CMTR1: variants seen among roughly 807,000 people sequenced by gnomAD.
CMTR1 encodes the protein cap-specific mRNA (nucleoside-2'-O-)-methyltransferase 1.
Under a neutral mutation model 107.0 loss-of-function variants are expected in CMTR1, and 39 were observed. The ratio of observed to expected loss-of-function variants is 0.36; its 90% confidence interval spans 0.28 to 0.48. The LOEUF (loss-of-function observed/expected upper bound fraction) is 0.48. CMTR1 is among the 20% of genes least tolerant of loss of function. The pLI is 0.99. For missense variants in CMTR1, 672 were observed against 1,064.9 expected (o/e 0.63, Z 5.14); for synonymous variants, 366 against 379.5 (o/e 0.96, Z 0.41).
At chr6:37,450,196 G>A in intron 4 of CMTR1, 55 bp from the exon 5 acceptor site, 1 of 1,456,346 alleles carries the variant, frequency 6.9e-7, no homozygotes. Context: ...ATGAGTTGGG[G>A]TTTAGCTTTG....
In CMTR1 at chr6:37,442,128, A is replaced by C. The variant is rs543108776; in HGVS notation, c.134-1871A>C. ...ATCTATTAGATTTTTAAGCTCTCTA[A>C]GGGTTGTTACTTTTGCACAGTACCC... On this transcript the variant is annotated intron_variant, in intron 2 of 23. Transcript: ENST00000373451. Among the ~76,000 whole-genome samples the C allele has an allele frequency of 3.3e-5, 5 of 152,346 alleles. No individual in the cohort carries two copies. In the South Asian group the frequency reaches 1.0e-3, roughly 32 times the overall value.
chr6:37,471,442 G>C (rs569365981), intron 14 of CMTR1, among the ~76,000 whole-genome samples: 9 of 152,158 alleles, frequency 5.9e-5, no homozygotes, highest in African/African-American at 2.2e-4. Flanking sequence ...CCTCGGGTAG[G>C]GGGTGAACAT....
In CMTR1 at chr6:37,461,995, T is replaced by C. The variant is rs753139757; in HGVS notation, c.1218T>C (p.Phe406=). ...GAGGCCACTTCATCTGTAAAACCTTTGACCTGTTCACACCGTTTAGTGTGG... is the reference window on the plus strand; with the variant it reads ...GAGGCCACTTCATCTGTAAAACCTTCGACCTGTTCACACCGTTTAGTGTGG... The part of the protein sequence containing the change: ...RTGGHFICKT[F]DLFTPFSVGL... Residue 406 remains phenylalanine (F), a synonymous_variant, in exon 12 of 24, where the codon TTT becomes TTC. Coordinates refer to ENST00000373451, the MANE Select transcript of CMTR1 (RefSeq NM_015050.3). The C allele has an allele frequency of 1.2e-6, 2 of 1,613,910 alleles. No individual in the cohort carries two copies. The highest frequency in any genetic ancestry group is 1.1e-5 in the South Asian group (1 of 91,066).
intron 2 of CMTR1, 143 bp downstream of exon 2, chr6:37,435,905 T>C: frequency 2.6e-6 from 2 of 772,712 alleles, no homozygotes; most frequent in Non-Finnish European, 3.8e-6. Context: ...AGATGTTGGC[T>C]ATAGACTCTT....
intron 1 of CMTR1, among the ~76,000 whole-genome samples, chr6:37,434,616 C>T (rs927439486): frequency 6.6e-6 from 1 of 152,018 alleles, no homozygotes. Flanking sequence ...TGGCATGGTG[C>T]CTGTTTCTTT....
chr6:37,461,152 C>T (rs376703157), intron 10 of CMTR1, among the ~76,000 whole-genome samples: 23 of 152,330 alleles, frequency 1.5e-4, no homozygotes, highest in African/African-American at 5.5e-4. Context: ...ACTCCCTGGT[C>T]TTGTTAGGAC....
chr6:37,443,952 A>G lies in CMTR1; in HGVS notation c.134-47A>G, dbSNP rs772928505. The G allele has an allele frequency of 1.6e-5, 26 of 1,599,416 alleles. No individual in the cohort carries two copies. The Admixed American group carries it at 2.9e-4, about 18-fold the overall frequency. ...AATGAAACTTGGATGTCTGGAGGCT[A>G]TTTTGTGCCATAAACCTACCTAAAC... On this transcript the variant is annotated intron_variant, in intron 2 of 23. Transcript: ENST00000373451.
At chr6:37,443,308 A>G in intron 2 of CMTR1, among the ~76,000 whole-genome samples, 1 of 152,166 alleles carries the variant, frequency 6.6e-6, no homozygotes, top group East Asian at 1.9e-4. Context: ...AGCAGCAGAA[A>G]TAACAATCAT....
intron 20 of CMTR1, 132 bp from the exon 21 acceptor site, chr6:37,477,460 T>G: frequency 1.3e-6 from 1 of 754,040 alleles, no homozygotes; most frequent in Non-Finnish European, 2.4e-6. Context: ...TCGCTGCCGG[T>G]GGGCTGGGTG....
At position 37,467,166 on chromosome 6, in the gene CMTR1, C is replaced by CA. The variant is rs201937515; in HGVS notation, c.1506-3847dup. On this transcript the variant is annotated intron_variant, in intron 13 of 23. Coordinates refer to ENST00000373451, the MANE Select transcript of CMTR1 (RefSeq NM_015050.3). ...TGGGTGACAGAACGAGACCGTGTCTCAAAAAAAAGGATGCTTTAGCTGAAT... is the reference window on the plus strand; with the variant it reads ...TGGGTGACAGAACGAGACCGTGTCTCAAAAAAAAAGGATGCTTTAGCTGAAT... 4.9e-3 allele frequency among the ~76,000 whole-genome samples: 739 copies of CA among 151,452 alleles called. 13 individuals carry two copies. The highest frequency in any genetic ancestry group is 0.017 in the African/African-American group (708 of 41,302).
intron 13 of CMTR1, among the ~76,000 whole-genome samples, chr6:37,466,114 GT>G (rs763461526): frequency 1.9e-4 from 24 of 125,194 alleles, no homozygotes; most frequent in Admixed American, 4.7e-4. Flanking sequence ...TACAGTTTTT[GT>G]TTTTTTTTTT....
intron 8 of CMTR1, among the ~76,000 whole-genome samples, chr6:37,454,230 C>G (rs1282877033): frequency 6.6e-6 from 1 of 152,234 alleles, no homozygotes; most frequent in African/African-American, 2.4e-5. Flanking sequence ...CCTCATTCCA[C>G]TAGACCCCCT....
intron 19 of CMTR1, chr6:37,475,797 T>C (rs1761724804): frequency 4.2e-6 from 2 of 475,140 alleles, no homozygotes; most frequent in Non-Finnish European, 7.7e-6. Context: ...GTAGTTTCCA[T>C]GCTTTGGGGT....
chr6:37,450,418 C>T, intron 5 of CMTR1, 75 bp downstream of exon 5: 2 of 1,071,942 alleles, frequency 1.9e-6, no homozygotes, highest in South Asian at 2.6e-5. Flanking sequence ...CTGGTATTTA[C>T]ATACACTTGC....
chr6:37,473,597 TG>T lies in CMTR1; in HGVS notation c.1821+1del. ...SGSEQKFLIG[L>X]GKSQIYTWDG... ...AGTGAGCAGAAGTTCCTCATCGGCC[TG>T]GGGGTAAGTCTGCAGCTGGCTTCCT... On this transcript the variant is annotated frameshift_variant, in exon 17 of 24. Coordinates refer to ENST00000373451, the MANE Select transcript of CMTR1 (RefSeq NM_015050.3). LOFTEE classifies it high-confidence loss of function. 1 of 1,613,556 alleles carries T rather than the reference TG, an allele frequency of 6.2e-7. No individual in the cohort carries two copies. The highest frequency in any genetic ancestry group is 8.5e-7 in the Non-Finnish European group (1 of 1,179,686).
chr6:37,465,491 T>A (rs1761488896), intron 13 of CMTR1, among the ~76,000 whole-genome samples: 1 of 152,208 alleles, frequency 6.6e-6, no homozygotes, highest in South Asian at 2.1e-4. Flanking sequence ...ATGTGCTTAT[T>A]GGCTATTTGT....
At chr6:37,429,535 T>C (rs1046762752), upstream of CMTR1, among the ~76,000 whole-genome samples, 41 of 152,236 alleles carry the variant, frequency 2.7e-4, no homozygotes, top group African/African-American at 7.2e-4. Flanking sequence ...GCAGTATTTA[T>C]AGATAGAAAA....
At chr6:37,478,281 T>G (rs1208108149) in intron 21 of CMTR1, 128 bp from the exon 22 acceptor site, 2 of 720,542 alleles carry the variant, frequency 2.8e-6, no homozygotes, top group Non-Finnish European at 4.9e-6. Context: ...CTCGGCTGTG[T>G]GCCTCAGTTT....
At chr6:37,455,086 GT>G (rs11403925) in intron 8 of CMTR1, among the ~76,000 whole-genome samples, 95 of 147,318 alleles carry the variant, frequency 6.4e-4, no homozygotes, top group Non-Finnish European at 1.2e-3. Context: ...GCAGACTGAA[GT>G]TTTTTTTTTT....
Sources: allele counts gnomAD v4.1 joint callset (sites outside exome capture counted in the v4.1 genomes callset), GRCh38; gene constraint gnomAD v4.1.1; transcripts MANE v1.5; gene names NCBI Gene and HGNC (gene_info 2026-07-23, HGNC 2026-07-21).